Variants in HMGCLL1 observed in about 807,000 individuals in gnomAD.
The protein encoded by HMGCLL1 is 3-hydroxy-3-methylglutaryl-CoA lyase like 1.
In HMGCLL1, 36 loss-of-function variants were observed where a neutral mutation model predicts 39.1. The observed-to-expected ratio is 0.92, with a 90% CI of 0.71 to 1.22. HMGCLL1 has a LOEUF of 1.22. Ranked by LOEUF, HMGCLL1 falls within the 50% of genes most tolerant of loss-of-function variation. The pLI is 0.00. For synonymous variants in HMGCLL1, 149 were observed against 144.0 expected (o/e 1.03, Z -0.25); for missense variants, 451 against 416.5 (o/e 1.08, Z -0.72).
At chr6:55,444,896 C>T (rs563838592) in intron 7 of HMGCLL1, among the ~76,000 whole-genome samples, 143 of 152,028 alleles carry the variant, frequency 9.4e-4, no homozygotes, top group African/African-American at 3.2e-3. Flanking sequence ...CATACTCTGG[C>T]GAAGGCAGAC....
the HMGCLL1 span, among the ~76,000 whole-genome samples, chr6:55,664,260 T>C: frequency 6.6e-6 from 1 of 151,828 alleles, no homozygotes; most frequent in South Asian, 2.1e-4. Context: ...GAATGCTTCA[T>C]AGTGTCAGTG....
the HMGCLL1 span, among the ~76,000 whole-genome samples, chr6:55,584,916 A>G: frequency 6.6e-6 from 1 of 151,996 alleles, no homozygotes; most frequent in East Asian, 1.9e-4. Flanking sequence ...TAAAAAAGAA[A>G]CAATGAGAAC....
chr6:55,457,098 T>A (rs139227003), intron 7 of HMGCLL1, among the ~76,000 whole-genome samples: 134 of 152,332 alleles, frequency 8.8e-4, no homozygotes, highest in African/African-American at 3.1e-3. Flanking sequence ...CAATTATTTT[T>A]GTGTCTTCTG....
chr6:55,620,163 C>T, the HMGCLL1 span, among the ~76,000 whole-genome samples: 1 of 152,030 alleles, frequency 6.6e-6, no homozygotes, highest in Non-Finnish European at 1.5e-5. Context: ...TACAGATATT[C>T]CCATGTTTGA....
the HMGCLL1 span, among the ~76,000 whole-genome samples, chr6:55,667,133 C>T: frequency 6.6e-6 from 1 of 151,590 alleles, no homozygotes. Flanking sequence ...CCACCACATA[C>T]AAGAAGGTGG....
chr6:55,627,746 A>G, the HMGCLL1 span, among the ~76,000 whole-genome samples: 1 of 146,150 alleles, frequency 6.8e-6, no homozygotes. Context: ...CTTGTGCTGG[A>G]TGCTTCCTGC....
chr6:55,627,898 TAGTATATATACTATATATATATA>T, the HMGCLL1 span, among the ~76,000 whole-genome samples: 1 of 32,368 alleles, frequency 3.1e-5, no homozygotes, highest in Non-Finnish European at 5.0e-5. Context: ...TATATATATA[TAGTATATATACTATATATATATA>T]ATATATATAC....
At chr6:55,636,449 A>C in the HMGCLL1 span, among the ~76,000 whole-genome samples, 1 of 152,174 alleles carries the variant, frequency 6.6e-6, no homozygotes, top group Non-Finnish European at 1.5e-5. Context: ...AACTCACTCA[A>C]ATTTCCATAT....
At chr6:55,655,914 T>G in the HMGCLL1 span, among the ~76,000 whole-genome samples, 1 of 152,128 alleles carries the variant, frequency 6.6e-6, no homozygotes, top group African/African-American at 2.4e-5. Context: ...GTTCTCCTAG[T>G]TACACATTGG....
chr6:55,519,786 C>G (rs1767942691), intron 3 of HMGCLL1, among the ~76,000 whole-genome samples: 1 of 151,882 alleles, frequency 6.6e-6, no homozygotes, highest in South Asian at 2.1e-4. Context: ...ATGTTCCTAA[C>G]CAAATACAGA....
At chr6:55,629,847 T>A in the HMGCLL1 span, among the ~76,000 whole-genome samples, 1 of 152,218 alleles carries the variant, frequency 6.6e-6, no homozygotes, top group East Asian at 1.9e-4. Flanking sequence ...CATCAAGAAT[T>A]GGAGTTTGGG....
At chr6:55,559,661 G>A (rs1445545288) in intron 1 of HMGCLL1, among the ~76,000 whole-genome samples, 1 of 152,150 alleles carries the variant, frequency 6.6e-6, no homozygotes, top group African/African-American at 2.4e-5. Context: ...AGAATATGGG[G>A]TTGTGTGTTA....
chr6:55,505,366 G>T (rs1767098557), intron 5 of HMGCLL1, among the ~76,000 whole-genome samples: 1 of 151,604 alleles, frequency 6.6e-6, no homozygotes, highest in Admixed American at 6.6e-5. Context: ...GAAATTATAT[G>T]TAATCTCAAA....
chr6:55,465,603 C>A (rs1309362112), intron 7 of HMGCLL1, among the ~76,000 whole-genome samples: 1 of 151,834 alleles, frequency 6.6e-6, no homozygotes. Context: ...CTGGTAGATA[C>A]CCTTTATGAG....
chr6:55,642,172 T>A, the HMGCLL1 span, among the ~76,000 whole-genome samples: 1 of 142,778 alleles, frequency 7.0e-6, no homozygotes, highest in Non-Finnish European at 1.5e-5. Flanking sequence ...GGTTTTTTGT[T>A]CTTGCGATAG....
chr6:55,606,965 A>T, the HMGCLL1 span, among the ~76,000 whole-genome samples: 7 of 152,270 alleles, frequency 4.6e-5, no homozygotes, highest in African/African-American at 1.7e-4. Context: ...CTTGATTTTA[A>T]CCCATAGAGA....
the HMGCLL1 span, among the ~76,000 whole-genome samples, chr6:55,596,849 G>A: frequency 1.3e-4 from 20 of 152,226 alleles, no homozygotes; most frequent in African/African-American, 4.8e-4. Flanking sequence ...ATTTAAAACT[G>A]CTGTGACTAT....
intron 1 of HMGCLL1, among the ~76,000 whole-genome samples, chr6:55,552,852 A>G (rs563904640): frequency 1.3e-5 from 2 of 152,024 alleles, no homozygotes; most frequent in South Asian, 4.1e-4. Flanking sequence ...TTTAAAAATG[A>G]TGGTATATGC....
intron 3 of HMGCLL1, among the ~76,000 whole-genome samples, chr6:55,527,703 T>A (rs568955189): frequency 4.1e-4 from 63 of 152,140 alleles, no homozygotes; most frequent in Non-Finnish European, 8.4e-4. Flanking sequence ...CTTGTCTATA[T>A]CATATATTGA....
Sources: gnomAD v4.1 joint callset for allele counts (sites outside exome capture counted in the v4.1 genomes callset) on GRCh38, gnomAD v4.1.1 for gene constraint, MANE v1.5 for transcripts, NCBI Gene and HGNC (gene_info 2026-07-23, HGNC 2026-07-21) for gene names.